The following SORCS1 variants were observed in gnomAD, a reference collection of about 807,000 sequenced individuals.
SORCS1 encodes VPS10 domain-containing receptor SorCS1.
Under a neutral mutation model 146.1 loss-of-function variants are expected in SORCS1, and 60 were observed. That is an observed-to-expected ratio of 0.41 (90% CI 0.33 to 0.51). The LOEUF (loss-of-function observed/expected upper bound fraction) is 0.51, where lower values mean the gene tolerates loss of function less well. SORCS1 is among the 20% of genes least tolerant of loss of function. SORCS1 has a pLI of 0.21. For synonymous variants in SORCS1, 637 were observed against 584.0 expected (o/e 1.09, Z -1.31); for missense variants, 1,352 against 1,487.6 (o/e 0.91, Z 1.50).
chr10:107,171,753 C>T, the SORCS1 span, among the ~76,000 whole-genome samples: 1 of 152,100 alleles, frequency 6.6e-6, no homozygotes, highest in African/African-American at 2.4e-5. Flanking sequence ...CTGCCTTGGC[C>T]TCCCAAAGTG....
chr10:106,711,419 T>A (rs1854979768), intron 6 of SORCS1, among the ~76,000 whole-genome samples: 1 of 152,176 alleles, frequency 6.6e-6, no homozygotes, highest in Non-Finnish European at 1.5e-5. Context: ...ACTAAAGATT[T>A]CTCTTAAGAA....
At chr10:106,783,276 T>C (rs1861033994) in intron 3 of SORCS1, among the ~76,000 whole-genome samples, 1 of 152,240 alleles carries the variant, frequency 6.6e-6, no homozygotes, top group South Asian at 2.1e-4. Context: ...GATATCATTA[T>C]GTCCATTTGA....
chr10:106,620,190 G>A (rs1267084652), intron 20 of SORCS1: 3 of 418,206 alleles, frequency 7.2e-6, no homozygotes, highest in East Asian at 4.4e-5. Flanking sequence ...AAGTACAGCT[G>A]GAGAAAAACG....
At chr10:106,582,120 T>C (rs1046850708) in intron 24 of SORCS1, among the ~76,000 whole-genome samples, 42 of 147,152 alleles carry the variant, frequency 2.9e-4, no homozygotes, top group African/African-American at 9.9e-4. Flanking sequence ...TATGCATGCA[T>C]GCACACACAC....
At position 106,794,525 on chromosome 10, in the gene SORCS1, CAG is replaced by C. The variant is rs576177036; in HGVS notation, c.727-17835_727-17834del. ...TCTTTTTTTTTTTTTTTTTTTGAGA[CAG>C]AGTCTCGCACTGTCGCCCAGGCTGG... On this transcript the variant is annotated intron_variant, in intron 3 of 25. Coordinates refer to ENST00000263054, the MANE Select transcript of SORCS1 (RefSeq NM_052918.5). 5.2e-3 allele frequency among the ~76,000 whole-genome samples: 675 copies of C among 129,176 alleles called. 3 individuals are homozygous for C. The highest frequency in any genetic ancestry group is 6.6e-3 in the Non-Finnish European group (412 of 62,618). 84.7% of individuals were successfully genotyped at this position (129,176 alleles called of 152,430 possible).
chr10:107,151,719 G>C (rs1968815289), intron 1 of SORCS1, among the ~76,000 whole-genome samples: 1 of 152,150 alleles, frequency 6.6e-6, no homozygotes, highest in Non-Finnish European at 1.5e-5. Flanking sequence ...GCTATGCAAA[G>C]AGACTGGTGG....
At chr10:106,949,379 G>A (rs1455459899) in intron 2 of SORCS1, among the ~76,000 whole-genome samples, 1 of 152,130 alleles carries the variant, frequency 6.6e-6, no homozygotes. Flanking sequence ...GACGTGGCGT[G>A]GAGGAGAAGG....
At chr10:106,694,386 A>C (rs1589678829) in intron 9 of SORCS1, among the ~76,000 whole-genome samples, 1 of 152,188 alleles carries the variant, frequency 6.6e-6, no homozygotes, top group East Asian at 1.9e-4. Flanking sequence ...CAGCCTCCCA[A>C]GTAGCTGGGA....
intron 1 of SORCS1, among the ~76,000 whole-genome samples, chr10:106,972,343 T>A (rs1413193389): frequency 1.5e-5 from 2 of 137,440 alleles, no homozygotes; most frequent in Non-Finnish European, 3.0e-5. Context: ...ATCGCACCAC[T>A]ACACTCCAGC....
chr10:106,724,300 G>A (rs995312578), intron 6 of SORCS1, among the ~76,000 whole-genome samples: 2 of 151,884 alleles, frequency 1.3e-5, no homozygotes, highest in Admixed American at 1.3e-4. Flanking sequence ...CAAGGTCAGG[G>A]GTTCAAGACC....
At chr10:106,639,870 T>G in intron 18 of SORCS1, among the ~76,000 whole-genome samples, 1 of 152,000 alleles carries the variant, frequency 6.6e-6, no homozygotes, top group Admixed American at 6.6e-5. Flanking sequence ...ATACAAAAAT[T>G]ACCTGGGTGT....
At chr10:106,968,469 A>G (rs968750226) in intron 1 of SORCS1, among the ~76,000 whole-genome samples, 9 of 152,252 alleles carry the variant, frequency 5.9e-5, no homozygotes, top group Admixed American at 2.0e-4. Flanking sequence ...TGTGTTAACG[A>G]TGAGGGGCCC....
chr10:106,694,355 G>GA (rs1853535707), intron 9 of SORCS1, among the ~76,000 whole-genome samples: 1 of 152,076 alleles, frequency 6.6e-6, no homozygotes, highest in African/African-American at 2.4e-5. Context: ...CACCTCATGG[G>GA]TGCAAGTGAT....
intron 23 of SORCS1, among the ~76,000 whole-genome samples, chr10:106,600,977 A>C (rs1340666883): frequency 6.6e-6 from 1 of 152,234 alleles, no homozygotes; most frequent in Non-Finnish European, 1.5e-5. Context: ...TTAAAACATC[A>C]GCCCCAATGC....
Position 106,607,301 on chromosome 10 carries a change from A to AG in SORCS1, c.3034-5dup. ...GCTGGCCTGGAACCCCTGTGGCCTGAGGGACAGACACAGGGGCTCACATTA... is the reference window on the plus strand; with the variant it reads ...GCTGGCCTGGAACCCCTGTGGCCTGAGGGGACAGACACAGGGGCTCACATTA... On this transcript the variant is annotated splice_polypyrimidine_tract_variant and splice_region_variant and intron_variant, in intron 22 of 25. Coordinates refer to ENST00000263054, the MANE Select transcript of SORCS1 (RefSeq NM_052918.5). 6.2e-7 allele frequency: 1 copy of AG among 1,613,758 alleles called. No homozygotes were observed. The highest frequency in any genetic ancestry group is 8.5e-7 in the Non-Finnish European group (1 of 1,179,860).
chr10:106,703,951 T>G (rs1435989207), intron 8 of SORCS1, among the ~76,000 whole-genome samples: 2 of 152,322 alleles, frequency 1.3e-5, no homozygotes, highest in Non-Finnish European at 2.9e-5. Flanking sequence ...AGAACCCAGA[T>G]AAGACTGAGT....
chr10:106,639,861 T>C (rs1206499810), intron 18 of SORCS1, among the ~76,000 whole-genome samples: 2 of 151,948 alleles, frequency 1.3e-5, no homozygotes, highest in East Asian at 3.9e-4. Flanking sequence ...CTACTAAATA[T>C]ACAAAAATTA....
chr10:106,959,077 G>A (rs185312399), intron 1 of SORCS1, among the ~76,000 whole-genome samples: 52 of 152,296 alleles, frequency 3.4e-4, no homozygotes, highest in African/African-American at 8.4e-4. Flanking sequence ...AAGGTGCCCC[G>A]GAGAAGGAAC....
intron 4 of SORCS1, among the ~76,000 whole-genome samples, chr10:106,774,290 G>A (rs11193044): frequency 6.6e-6 from 1 of 151,970 alleles, no homozygotes; most frequent in African/African-American, 2.4e-5. Flanking sequence ...ACTGATTAAC[G>A]CTTGAAATCT....
Sources: gnomAD v4.1 joint callset for allele counts (sites outside exome capture counted in the v4.1 genomes callset) on GRCh38, gnomAD v4.1.1 for gene constraint, MANE v1.5 for transcripts, NCBI Gene and HGNC (gene_info 2026-07-23, HGNC 2026-07-21) for gene names.